Variants in ZC3H18 observed in about 807,000 individuals in gnomAD.
ZC3H18 encodes the protein zinc finger CCCH domain-containing protein 18.
A neutral mutation model predicts 106.1 loss-of-function variants in ZC3H18; 8 were observed. The ratio of observed to expected loss-of-function variants is 0.08; its 90% CI spans 0.04 to 0.14. The LOEUF is 0.14. Ranked by LOEUF, ZC3H18 falls within the 10% of genes least tolerant of loss-of-function variation. The pLI is 1.00. For missense variants in ZC3H18, 1,318 were observed against 1,278.4 expected (o/e 1.03, Z -0.47); for synonymous variants, 635 against 522.1 (o/e 1.22, Z -2.95).
chr16:88,577,480 C>T lies in ZC3H18; in HGVS notation c.357C>T (p.Val119=). 1 of 1,612,730 alleles carries T rather than the reference C, an allele frequency of 6.2e-7. No homozygotes were observed. Among genetic ancestry groups the T allele is most frequent in the South Asian group, 1.1e-5 (1 of 91,002 alleles). The change falls in exon 2 of 18, where the codon GTC becomes GTT. Residue 119 remains valine (V), a synonymous_variant. Transcript: ENST00000301011. ...TSDLRDEASS[V]TRELDEHELD... is the part of the protein sequence containing the mutation. ...ACCTTAGGGATGAGGCCTCCTCAGT[C>T]ACCAGGGAGCTGGATGAGCATGAGC...
chr16:88,628,568 A>C, intron 15 of ZC3H18, 190 bp from the exon 16 acceptor site: 1 of 612,206 alleles, frequency 1.6e-6, no homozygotes. Flanking sequence ...GAAGGGCCCC[A>C]AGTGCACAGT....
At chr16:88,611,581 C>A in intron 8 of ZC3H18, 45 bp downstream of exon 8, 1 of 1,538,536 alleles carries the variant, frequency 6.5e-7, no homozygotes, top group Admixed American at 2.0e-5. Context: ...GGAGGTCCGG[C>A]ATGCAGCTCT....
chr16:88,623,156 AG>A, intron 9 of ZC3H18, 62 bp from the exon 10 acceptor site: 1 of 1,579,044 alleles, frequency 6.3e-7, no homozygotes, highest in East Asian at 2.3e-5. Context: ...TGTGTGCGTC[AG>A]GGCGTGTGGG....
At chr16:88,625,341 G>T in intron 13 of ZC3H18, 74 bp downstream of exon 13, 1 of 1,539,544 alleles carries the variant, frequency 6.5e-7, no homozygotes, top group South Asian at 1.2e-5. Flanking sequence ...CAGCCAGTGT[G>T]GGTTGGGCTG....
At chr16:88,614,931 T>C (rs1316073091) in intron 8 of ZC3H18, among the ~76,000 whole-genome samples, 2 of 147,910 alleles carry the variant, frequency 1.4e-5, no homozygotes, top group African/African-American at 2.5e-5. Flanking sequence ...GCTGCCCCCA[T>C]TTCCTCCATT....
intron 2 of ZC3H18, among the ~76,000 whole-genome samples, chr16:88,578,914 C>G (rs1914936661): frequency 6.6e-6 from 1 of 152,224 alleles, no homozygotes; most frequent in Non-Finnish European, 1.5e-5. Flanking sequence ...TTTCAAACTC[C>G]TGACCTCAGG....
intron 3 of ZC3H18, among the ~76,000 whole-genome samples, chr16:88,593,708 A>T (rs1210168381): frequency 1.3e-5 from 2 of 152,214 alleles, no homozygotes; most frequent in African/African-American, 4.8e-5. Context: ...ACTGGCAGAC[A>T]TGCCAGGGAA....
chr16:88,623,268 C>A lies in ZC3H18; in HGVS notation c.1717C>A (p.Arg573=). 1 of 1,613,704 alleles carries A rather than the reference C, an allele frequency of 6.2e-7. No homozygotes were observed. Among genetic ancestry groups the A allele is most frequent in the Non-Finnish European group, 8.5e-7 (1 of 1,179,984 alleles). The change falls in exon 10 of 18, where the codon CGA becomes AGA. Residue 573 remains arginine, a synonymous_variant. Transcript: ENST00000301011. ...CTCTGGCTCCGGCTCCTCCCGGTCG[C>A]GATCCCGGTCTTCATCCTACAGCTC... is the stretch of plus-strand genomic sequence containing the variant. ...SYSGSGSSRS[R]SRSSSYSSYS...
chr16:88,588,789 CAG>C (rs937639909), intron 3 of ZC3H18, among the ~76,000 whole-genome samples: 47 of 151,908 alleles, frequency 3.1e-4, no homozygotes, highest in African/African-American at 8.5e-4. Context: ...TGGGGGCTGA[CAG>C]GGGCAGATCA....
At chr16:88,588,000 G>C (rs1303594576) in intron 3 of ZC3H18, among the ~76,000 whole-genome samples, 2 of 152,220 alleles carry the variant, frequency 1.3e-5, no homozygotes, top group African/African-American at 4.8e-5. Context: ...AGTCACACGT[G>C]CATGTGAGGG....
intron 7 of ZC3H18, among the ~76,000 whole-genome samples, chr16:88,609,897 A>G (rs1208993597): frequency 6.6e-6 from 1 of 152,168 alleles, no homozygotes; most frequent in Non-Finnish European, 1.5e-5. Flanking sequence ...CACTGTGCCC[A>G]GCTCGGCCTG....
chr16:88,599,785 T>C lies in ZC3H18; in HGVS notation c.931-6T>C. The C allele has an allele frequency of 1.9e-6, 3 of 1,605,232 alleles. No homozygotes were observed. The highest frequency in any genetic ancestry group is 2.5e-6 in the Non-Finnish European group (3 of 1,177,250). ...CATGTTGACTTCTTTCTTCTTACAA[T>C]GGTAGGTTTTAAAAAAAGCAACTAT... is the stretch of plus-strand genomic sequence containing the variant. On this transcript the variant is annotated splice_region_variant and splice_polypyrimidine_tract_variant and intron_variant, in intron 5 of 17. Coordinates refer to ENST00000301011, the MANE Select transcript of ZC3H18 (RefSeq NM_144604.4).
At chr16:88,574,594 C>T (rs1002897242) in intron 1 of ZC3H18, among the ~76,000 whole-genome samples, 2 of 151,088 alleles carry the variant, frequency 1.3e-5, no homozygotes, top group African/African-American at 4.9e-5. Context: ...CCTCAACCTC[C>T]TAGGATCAGG....
In ZC3H18 at chr16:88,631,178, C is replaced by T; in HGVS notation, c.2741C>T (p.Ala914Val). The change falls in exon 18 of 18, where the codon GCC (alanine) becomes GTC (valine). Residue 914 changes from alanine to valine, a missense_variant. Physicochemically the swap from Ala to Val is moderately conservative, Grantham distance 64. Coordinates refer to ENST00000301011, the MANE Select transcript of ZC3H18 (RefSeq NM_144604.4). Reference sequence around the variant, plus strand: ...CCCGGCAAAGCCTCGGATCCCGGCGCCGCCAGCACCAAATCAGGGAAGGCC... The same window carrying T: ...CCCGGCAAAGCCTCGGATCCCGGCGTCGCCAGCACCAAATCAGGGAAGGCC... ...SVPGKASDPG[A>V]ASTKSGKAST... 1 of 1,613,692 alleles carries T rather than the reference C, an allele frequency of 6.2e-7. No homozygotes were observed. Among genetic ancestry groups the T allele is most frequent in the Non-Finnish European group, 8.5e-7 (1 of 1,180,032 alleles).
Position 88,622,314 on chromosome 16 carries a change from G to A in ZC3H18, c.1593G>A (p.Val531=), listed in dbSNP as rs528741601. The A allele has an allele frequency of 1.9e-5, 30 of 1,613,960 alleles. 1 individual carries two copies. In the South Asian group the frequency reaches 2.7e-4, roughly 15 times the overall value. Residue 531 remains valine, a synonymous_variant, in exon 9 of 18, where the codon GTG becomes GTA. Transcript: ENST00000301011. The part of the protein sequence containing the change: ...RSKSPKKKLG[V]SVSPSRARRR... ...AGTCTCCCAAGAAGAAACTCGGGGT[G>A]TCGGTCTCCCCGAGCCGGGCTCGAA...
At chr16:88,597,588 AT>A (rs1904506233) in intron 3 of ZC3H18, among the ~76,000 whole-genome samples, 1 of 152,206 alleles carries the variant, frequency 6.6e-6, no homozygotes, top group African/African-American at 2.4e-5. Flanking sequence ...ACTAACCCGG[AT>A]ATTCTGTTGA....
chr16:88,600,028 C>G, intron 6 of ZC3H18, 80 bp downstream of exon 6: 1 of 1,538,374 alleles, frequency 6.5e-7, no homozygotes, highest in Non-Finnish European at 8.8e-7. Flanking sequence ...TGTGCAGGGC[C>G]CCAGGGTGCG....
chr16:88,580,030 C>T (rs550246490), intron 2 of ZC3H18, among the ~76,000 whole-genome samples: 3 of 152,286 alleles, frequency 2.0e-5, no homozygotes, highest in Non-Finnish European at 2.9e-5. Flanking sequence ...CAGGAGCCCC[C>T]GTGGTCTCCT....
intron 3 of ZC3H18, among the ~76,000 whole-genome samples, chr16:88,590,761 T>C (rs1411748021): frequency 2.0e-5 from 3 of 151,708 alleles, no homozygotes; most frequent in African/African-American, 7.3e-5. Context: ...GGTTTCATCA[T>C]GTTGGCCAGG....
Sources: allele counts gnomAD v4.1 joint callset (sites outside exome capture counted in the v4.1 genomes callset), GRCh38; gene constraint gnomAD v4.1.1; transcripts MANE v1.5; gene names NCBI Gene and HGNC (gene_info 2026-07-23, HGNC 2026-07-21).